REXO1: variants seen among roughly 807,000 people sequenced by gnomAD.
REXO1 encodes RNA exonuclease 1 homolog, also known as REX1, RNA exonuclease 1 homolog.
Under a neutral mutation model 102.6 loss-of-function variants are expected in REXO1, and 42 were observed. The ratio of observed to expected loss-of-function variants is 0.41; its 90% CI spans 0.32 to 0.53. The LOEUF is 0.53. Ranked by LOEUF, REXO1 falls within the 20% of genes least tolerant of loss-of-function variation. REXO1 has a pLI of 0.27. For missense variants in REXO1, 1,819 were observed against 1,732.5 expected (o/e 1.05, Z -0.89); for synonymous variants, 908 against 779.1 (o/e 1.17, Z -2.76).
chr19:1,816,268 C>A lies in REXO1; in HGVS notation c.3534G>T (p.Arg1178=), dbSNP rs2069359589. 3.8e-6 allele frequency: 6 copies of A among 1,587,202 alleles called. No individual in the cohort carries two copies. The highest frequency in any genetic ancestry group is 5.1e-6 in the Non-Finnish European group (6 of 1,167,190). The change falls in exon 15 of 16, where the codon CGG becomes CGT. Residue 1178 remains arginine (R), a synonymous_variant. Transcript: ENST00000170168. ...RLGLPYKRSL[R]NLMADYLRQI... Reference sequence around the variant, plus strand: ...GTCTGAGGTAGTCGGCCATGAGGTTCCGCAGGGACCGCTTGTAGGGGAGGC... The same window carrying A: ...GTCTGAGGTAGTCGGCCATGAGGTTACGCAGGGACCGCTTGTAGGGGAGGC...
chr19:1,841,886 G>A (rs1193869810), intron 1 of REXO1, among the ~76,000 whole-genome samples: 1 of 152,176 alleles, frequency 6.6e-6, no homozygotes, highest in Admixed American at 6.5e-5. Context: ...CTCCCTACAG[G>A]CAGAGCGCCA....
rs761038232 is a variant in REXO1, at chr19:1,827,892, G to A, written c.897C>T (p.Asn299=). ...TGGGGGTGCTGGCCGTGGTGGGCTC[G>A]TTACCTGGGACCGTGGCGGCCTCAT... is the stretch of plus-strand genomic sequence containing the variant. The part of the protein sequence containing the change: ...SEDEAATVPG[N]EPTTASTPKA... The change falls in exon 2 of 16, where the codon AAC becomes AAT. Residue 299 remains asparagine (N), a synonymous_variant. Coordinates refer to ENST00000170168, the MANE Select transcript of REXO1 (RefSeq NM_020695.4). 52 of 1,613,648 alleles carry A rather than the reference G, an allele frequency of 3.2e-5. No individual in the cohort carries two copies. The highest frequency in any genetic ancestry group is 1.5e-4 in the South Asian group (14 of 91,088).
chr19:1,843,716 G>A (rs566185487), intron 1 of REXO1, among the ~76,000 whole-genome samples: 1 of 152,346 alleles, frequency 6.6e-6, no homozygotes, highest in Non-Finnish European at 1.5e-5. Flanking sequence ...ATTCCTTCCT[G>A]GACGCGGCTC....
intron 1 of REXO1, among the ~76,000 whole-genome samples, chr19:1,843,661 C>G (rs2011402629): frequency 6.6e-6 from 1 of 152,224 alleles, no homozygotes; most frequent in South Asian, 2.1e-4. Context: ...GCCTGGGGAA[C>G]CAAAAGACAA....
Position 1,816,042 on chromosome 19 carries a change from AGGCG to A in REXO1, c.*20_*23del. Reference sequence around the variant, plus strand: ...CTAAGGACCAGCGGGACGGCAGGAGAGGCGGGTGGGAGGCGGGCAGGCGTCATCG... The same window carrying A: ...CTAAGGACCAGCGGGACGGCAGGAGAGGTGGGAGGCGGGCAGGCGTCATCG... On this transcript the variant is annotated 3_prime_UTR_variant, in exon 16 of 16. Transcript: ENST00000170168. The A allele has an allele frequency of 6.5e-7, 1 of 1,540,196 alleles. No individual in the cohort carries two copies. The highest frequency in any genetic ancestry group is 8.7e-7 in the Non-Finnish European group (1 of 1,146,932).
chr19:1,823,726 C>G lies in REXO1; in HGVS notation c.2076G>C (p.Glu692Asp), dbSNP rs2069620008. 10 of 1,268,966 alleles carry G rather than the reference C, an allele frequency of 7.9e-6. No homozygotes were observed. The highest frequency in any genetic ancestry group is 1.0e-5 in the Non-Finnish European group (10 of 1,000,288). The allele number at this position is 1,268,966 out of a possible 1,614,324, so 78.6% of individuals were successfully genotyped here. ...VPPARPPTAQ[E>D]VCYLRAQQAQ... ...CCTGCTGGGCCCGCAGGTAGCACAC[C>G]TCCTGCGCCGTCGGGGGCCGGGCCG... The change falls in exon 4 of 16, where the codon GAG becomes GAC. Residue 692 changes from glutamate (E) to aspartate (D), a missense_variant. Physicochemically the swap from Glu to Asp is conservative, Grantham distance 45. Transcript: ENST00000170168.
rs1273382259 is a variant in REXO1 at position 1,828,413 on chromosome 19, C to T, written c.376G>A (p.Ala126Thr). 6 of 1,607,488 alleles carry T rather than the reference C, an allele frequency of 3.7e-6. No homozygotes were observed. The highest frequency in any genetic ancestry group is 5.1e-6 in the Non-Finnish European group (6 of 1,177,406). ...TREHRSAEAP[A>T]LAPRGPNASP... Reference sequence around the variant, plus strand: ...GCGTTGGGGCCGCGGGGCGCCAGGGCGGGGGCCTCGGCGGAGCGGTGCTCA... The same window carrying T: ...GCGTTGGGGCCGCGGGGCGCCAGGGTGGGGGCCTCGGCGGAGCGGTGCTCA... Residue 126 changes from alanine (A) to threonine (T), a missense_variant, in exon 2 of 16, where the codon GCC becomes ACC. Transcript: ENST00000170168.
At chr19:1,837,109 T>C (rs908595803) in intron 1 of REXO1, among the ~76,000 whole-genome samples, 3 of 152,224 alleles carry the variant, frequency 2.0e-5, no homozygotes, top group African/African-American at 7.2e-5. Flanking sequence ...GGCACGGGGC[T>C]GACCCTCGCG....
chr19:1,815,876 G>A lies in REXO1; in HGVS notation c.*190C>T. 1 of 1,525,980 alleles carries A rather than the reference G, an allele frequency of 6.6e-7. No homozygotes were observed. Among genetic ancestry groups the A allele is most frequent in the Non-Finnish European group, 8.8e-7 (1 of 1,140,200 alleles). The allele number at this position is 1,525,980 out of a possible 1,614,324, so 94.5% of individuals were successfully genotyped here. A position where few individuals can be genotyped will look rare whatever the true frequency, so the allele number is the denominator to read the frequency against. ...GGGGGGCAGAGGGTGGGGACCGGCGGAGGGGTGCGGCAGGACGTGAGCGGG... is the reference window on the plus strand; with the variant it reads ...GGGGGGCAGAGGGTGGGGACCGGCGAAGGGGTGCGGCAGGACGTGAGCGGG... On this transcript the variant is annotated 3_prime_UTR_variant, in exon 16 of 16. Coordinates refer to ENST00000170168, the MANE Select transcript of REXO1 (RefSeq NM_020695.4). This position sits in a 1 kb window ranked among gnomAD's most constrained non-coding sequence, Gnocchi z 4.0.
Position 1,827,964 on chromosome 19 carries a change from G to A in REXO1, c.825C>T (p.Leu275=). Residue 275 remains leucine (L), a synonymous_variant, in exon 2 of 16, where the codon CTC becomes CTT. Coordinates refer to ENST00000170168, the MANE Select transcript of REXO1 (RefSeq NM_020695.4). ...SEPYTPAPKK[L]CDPFGSCDAR... Reference sequence around the variant, plus strand: ...CATCGCAACTGCCAAAGGGGTCACAGAGCTTCTTGGGAGCAGGTGTGTAGG... The same window carrying A: ...CATCGCAACTGCCAAAGGGGTCACAAAGCTTCTTGGGAGCAGGTGTGTAGG... 6.2e-7 allele frequency: 1 copy of A among 1,613,662 alleles called. No individual in the cohort carries two copies. Among genetic ancestry groups the A allele is most frequent in the Non-Finnish European group, 8.5e-7 (1 of 1,179,866 alleles).
chr19:1,825,815 T>C (rs752323201), intron 3 of REXO1, 24 bp downstream of exon 3: 9 of 1,360,782 alleles, frequency 6.6e-6, no homozygotes, highest in Non-Finnish European at 7.2e-6. Flanking sequence ...AGGCTCCTGC[T>C]GGCCTGGCCT....
In REXO1 at chr19:1,826,865, C is replaced by A; in HGVS notation, c.1911+13G>T. On this transcript the variant is annotated intron_variant, in intron 2 of 15. Coordinates refer to ENST00000170168, the MANE Select transcript of REXO1 (RefSeq NM_020695.4). The surrounding 1 kb of genome is among the most constrained non-coding windows in gnomAD (Gnocchi z 4.3). ...CTCTGCCCGAGCCCAGCCCCAGCAC[C>A]CGCGCGCCTCACCTGCCGGGCCAGC... 6.4e-7 allele frequency: 1 copy of A among 1,564,692 alleles called. No homozygotes were observed. Among genetic ancestry groups the A allele is most frequent in the South Asian group, 1.2e-5 (1 of 85,426 alleles).
In REXO1 at chr19:1,827,474, A is replaced by G; in HGVS notation, c.1315T>C (p.Ser439Pro). The stretch of plus-strand genomic sequence containing the variant: ...CCTGAGGTGGCCACAGGAGTGGCCG[A>G]AGATGGCTTCTTCTTGGTCCCTTCC... ...RPEGTKKKPSSATPVATSGKG... is the reference protein window; with the variant it reads ...RPEGTKKKPSPATPVATSGKG... Residue 439 changes from serine (S) to proline (P), a missense_variant, in exon 2 of 16, where the codon TCG becomes CCG. Physicochemically the swap from Ser to Pro is moderately conservative, Grantham distance 74. Transcript: ENST00000170168. 6.4e-7 allele frequency: 1 copy of G among 1,573,352 alleles called. No homozygotes were observed. Among genetic ancestry groups the G allele is most frequent in the Non-Finnish European group, 8.5e-7 (1 of 1,170,338 alleles).
Position 1,827,157 on chromosome 19 carries a change from G to C in REXO1, c.1632C>G (p.Pro544=), listed in dbSNP as rs1283382670. 4 of 1,541,814 alleles carry C rather than the reference G, an allele frequency of 2.6e-6. No homozygotes were observed. Among genetic ancestry groups the C allele is most frequent in the Middle Eastern group, 1.7e-4 (1 of 6,006 alleles). ...CGGAGTCTGAGTCCGAGCTGAGGCT[G>C]GGGAGGGCAGAGGGCCACACGCTCG... ...GVPSVWPSAL[P]SLSSDSDSDS... The change falls in exon 2 of 16, where the codon CCC becomes CCG. Residue 544 remains proline (P), a synonymous_variant. Transcript: ENST00000170168.
At chr19:1,818,243 G>A (rs2069429072) in intron 10 of REXO1, among the ~76,000 whole-genome samples, 2 of 152,244 alleles carry the variant, frequency 1.3e-5, no homozygotes, top group African/African-American at 2.4e-5. Context: ...GGCCTTTCAG[G>A]TGGTGGCATT....
intron 1 of REXO1, among the ~76,000 whole-genome samples, chr19:1,837,716 T>C (rs1205899215): frequency 1.3e-5 from 2 of 152,074 alleles, no homozygotes; most frequent in Non-Finnish European, 2.9e-5. Context: ...AGGGCTGCGA[T>C]CCGAGCCTCC....
At chr19:1,817,373 G>C in intron 11 of REXO1, 44 bp from the exon 12 acceptor site, 2 of 1,604,952 alleles carry the variant, frequency 1.2e-6, no homozygotes, top group Non-Finnish European at 1.7e-6. Flanking sequence ...GGGGTGCAGT[G>C]GGGGCGGGGG....
intron 1 of REXO1, among the ~76,000 whole-genome samples, chr19:1,831,608 T>C (rs1174938398): frequency 2.0e-5 from 3 of 151,702 alleles, no homozygotes; most frequent in Non-Finnish European, 4.4e-5. Flanking sequence ...TTTGGGAGGC[T>C]GAGGCGGGCG....
rs765565748 is a variant in REXO1 at position 1,820,370 on chromosome 19, T to C, written c.2420A>G (p.Lys807Arg). Residue 807 changes from lysine to arginine, a missense_variant, in exon 6 of 16, where the codon AAA becomes AGA. Transcript: ENST00000170168. Reference protein sequence around the residue: ...LQSLKKPIIPKEFGGKVPTVI... With the variant: ...LQSLKKPIIPREFGGKVPTVI... ...GGTGGGGACTTTGCCCCCAAACTCT[T>C]TGGGGATAATGGGTTTCTTTAAACT... is the stretch of plus-strand genomic sequence containing the variant. The C allele has an allele frequency of 2.5e-6, 4 of 1,613,532 alleles. No individual in the cohort carries two copies. The South Asian group carries it at 3.3e-5, about 13-fold the overall frequency.
Sources: gnomAD v4.1 joint callset for allele counts (sites outside exome capture counted in the v4.1 genomes callset) on GRCh38, gnomAD v4.1.1 for gene constraint, Gnocchi (gnomAD v3.1) non-coding constraint, MANE v1.5 for transcripts, NCBI Gene and HGNC (gene_info 2026-07-23, HGNC 2026-07-21) for gene names.